Variants in MUCL1 observed in about 807,000 individuals in gnomAD.
MUCL1 encodes mucin like 1, also known as mucin-like protein 1.
A neutral mutation model predicts 9.2 loss-of-function variants in MUCL1; 11 were observed. The ratio of observed to expected loss-of-function variants is 1.19; its 90% CI spans 0.75 to 1.97. The LOEUF is 1.97. MUCL1 is among the 30% of genes most tolerant of loss of function. The pLI is 0.00. For synonymous variants in MUCL1, 48 were observed against 40.5 expected (o/e 1.19, Z -0.71); for missense variants, 144 against 110.9 (o/e 1.30, Z -1.34).
intron 1 of MUCL1, among the ~76,000 whole-genome samples, chr12:54,840,831 TCCCACGCATTTGG>T (rs1421402005): frequency 6.6e-6 from 1 of 152,040 alleles, no homozygotes; most frequent in African/African-American, 2.4e-5. Context: ...CCCACCCAGC[TCCCACGCATTTGG>T]CAAAGCAGGC....
chr12:54,838,152 C>T (rs1349550770), upstream of MUCL1, among the ~76,000 whole-genome samples: 1 of 152,172 alleles, frequency 6.6e-6, no homozygotes, highest in Non-Finnish European at 1.5e-5. Context: ...TCAGCATTTG[C>T]TTGTCTGAAA....
intron 1 of MUCL1, among the ~76,000 whole-genome samples, chr12:54,848,118 C>T (rs1959283273): frequency 6.6e-6 from 1 of 150,642 alleles, no homozygotes; most frequent in African/African-American, 2.4e-5. Context: ...CAGCTGTGTG[C>T]CCTTGATGAT....
intron 1 of MUCL1, 65 bp from the exon 2 acceptor site, chr12:54,855,051 C>T (rs368537009): frequency 1.4e-6 from 2 of 1,402,182 alleles, no homozygotes; most frequent in African/African-American, 1.4e-5. Flanking sequence ...TCCATATTCT[C>T]TCTTACCTCC....
At chr12:54,851,949 G>A (rs1305357357), upstream of MUCL1, among the ~76,000 whole-genome samples, 3 of 152,120 alleles carry the variant, frequency 2.0e-5, no homozygotes, top group Non-Finnish European at 2.9e-5. Context: ...CAACTTACAA[G>A]GGATGTGAAG....
chr12:54,835,706 T>C (rs1353591330), upstream of MUCL1, among the ~76,000 whole-genome samples: 1 of 152,072 alleles, frequency 6.6e-6, no homozygotes, highest in East Asian at 1.9e-4. Flanking sequence ...TGATGCTGAC[T>C]GTGGATTTGT....
At chr12:54,839,552 G>C in intron 1 of MUCL1, 1 of 698,290 alleles carries the variant, frequency 1.4e-6, no homozygotes, top group Non-Finnish European at 2.6e-6. Flanking sequence ...TTGGGGTAGG[G>C]AGGGAGCAAC....
chr12:54,839,266 T>A, upstream of MUCL1: 2 of 666,504 alleles, frequency 3.0e-6, no homozygotes, highest in East Asian at 5.4e-5. Context: ...ATATGCTTGG[T>A]GTGTGAGCAG....
At chr12:54,841,120 A>T (rs1025212684) in intron 1 of MUCL1, among the ~76,000 whole-genome samples, 1 of 152,232 alleles carries the variant, frequency 6.6e-6, no homozygotes, top group Non-Finnish European at 1.5e-5. Flanking sequence ...TTCACTAAGC[A>T]TAATGTCCTC....
intron 1 of MUCL1, among the ~76,000 whole-genome samples, chr12:54,845,263 A>T (rs1359310081): frequency 6.6e-6 from 1 of 152,176 alleles, no homozygotes; most frequent in Non-Finnish European, 1.5e-5. Flanking sequence ...TGCCCAATGC[A>T]TATAGCAGTC....
chr12:54,850,122 T>A (rs984676415), upstream of MUCL1, among the ~76,000 whole-genome samples: 1 of 152,184 alleles, frequency 6.6e-6, no homozygotes, highest in African/African-American at 2.4e-5. Flanking sequence ...ATAGTCTCCC[T>A]CAACCCTAGG....
At chr12:54,850,712 C>A (rs1959326043), upstream of MUCL1, among the ~76,000 whole-genome samples, 1 of 152,138 alleles carries the variant, frequency 6.6e-6, no homozygotes, top group South Asian at 2.1e-4. Flanking sequence ...ATTTCTAGTT[C>A]TAGATCCTTG....
intron 1 of MUCL1, among the ~76,000 whole-genome samples, chr12:54,843,119 T>A (rs1001692017): frequency 4.6e-5 from 7 of 152,184 alleles, no homozygotes; most frequent in Non-Finnish European, 1.0e-4. Context: ...CTGGGATGTT[T>A]GTGCAATGAT....
chr12:54,831,599 TTA>T (rs1419735300), intron 1 of MUCL1, among the ~76,000 whole-genome samples: 1 of 152,084 alleles, frequency 6.6e-6, no homozygotes, highest in Non-Finnish European at 1.5e-5. Flanking sequence ...AAACCTTAAG[TTA>T]TACTAAGTTA....
intron 1 of MUCL1, among the ~76,000 whole-genome samples, chr12:54,842,941 C>A (rs1380861289): frequency 6.6e-6 from 1 of 152,046 alleles, no homozygotes; most frequent in Non-Finnish European, 1.5e-5. Flanking sequence ...TGTATCTTTT[C>A]TATGTTTAGA....
At chr12:54,848,204 C>T (rs895389817) in intron 1 of MUCL1, among the ~76,000 whole-genome samples, 1 of 151,908 alleles carries the variant, frequency 6.6e-6, no homozygotes, top group Non-Finnish European at 1.5e-5. Flanking sequence ...TGGTTTTGGA[C>T]CAAGTTCCTG....
intron 1 of MUCL1, chr12:54,839,483 C>A: frequency 7.1e-6 from 5 of 701,302 alleles, no homozygotes; most frequent in Non-Finnish European, 1.3e-5. Context: ...GGACAGAGAT[C>A]CCAGCCTTGA....
At chr12:54,853,758 AT>A (rs1287835850), upstream of MUCL1, among the ~76,000 whole-genome samples, 1 of 152,150 alleles carries the variant, frequency 6.6e-6, no homozygotes, top group African/African-American at 2.4e-5. Context: ...AAAACCATGT[AT>A]TAAATAAAAT....
intron 1 of MUCL1, among the ~76,000 whole-genome samples, chr12:54,833,130 C>A (rs535742864): frequency 5.3e-5 from 8 of 151,954 alleles, no homozygotes; most frequent in Non-Finnish European, 1.2e-4. Flanking sequence ...CTGTCCTGTC[C>A]ATTCTAGGTC....
intron 3 of MUCL1, among the ~76,000 whole-genome samples, 174 bp downstream of exon 3, chr12:54,857,066 A>T (rs1163987892): frequency 1.3e-5 from 2 of 152,046 alleles, no homozygotes; most frequent in African/African-American, 4.8e-5. Flanking sequence ...AGGAGTCAGG[A>T]GGTTACCTGA....
Sources: allele counts gnomAD v4.1 joint callset (sites outside exome capture counted in the v4.1 genomes callset), GRCh38; gene constraint gnomAD v4.1.1; transcripts MANE v1.5; gene names NCBI Gene and HGNC (gene_info 2026-07-23, HGNC 2026-07-21).